The following NUP35 variants were observed in gnomAD, a reference collection of about 807,000 sequenced individuals.
NUP35 encodes nucleoporin NUP35.
In NUP35, 25 loss-of-function variants were observed where a neutral mutation model predicts 41.5. The ratio of observed to expected loss-of-function variants is 0.60; its 90% confidence interval spans 0.44 to 0.84. NUP35 has a LOEUF of 0.84. Ranked by LOEUF, NUP35 falls within the 40% of genes least tolerant of loss-of-function variation. The pLI is 0.00. For missense variants in NUP35, 396 were observed against 396.6 expected, an observed-to-expected ratio of 1.00 and a Z score of 0.01; for synonymous variants, 149 against 130.7, an observed-to-expected ratio of 1.14 and a Z score of -0.96.
In NUP35 at chr2:183,133,614, C is replaced by A. The variant is rs781150648; in HGVS notation, c.388C>A (p.Pro130Thr). Residue 130 changes from proline to threonine, a missense_variant, in exon 4 of 9, where the codon CCT becomes ACT. Transcript: ENST00000295119. ...QSPLVGVTSTPGTGQSMFSPA... is the reference protein window; with the variant it reads ...QSPLVGVTSTTGTGQSMFSPA... ...TCCTCTTGTTGGAGTTACATCTACT[C>A]CTGGAACAGGTAAGTGATTCTTTCT... 2.5e-6 allele frequency: 4 copies of A among 1,586,640 alleles called. No individual in the cohort carries two copies. Among genetic ancestry groups the A allele is most frequent in the Non-Finnish European group, 2.6e-6 (3 of 1,170,948 alleles).
At chr2:183,120,865 G>T (rs1482431329), upstream of NUP35, among the ~76,000 whole-genome samples, 2 of 152,168 alleles carry the variant, frequency 1.3e-5, no homozygotes, top group Non-Finnish European at 2.9e-5. Flanking sequence ...TGTACGGGTA[G>T]GTTGTGCAGC....
At chr2:183,130,372 C>G (rs200620372) in intron 2 of NUP35, 46 bp from the exon 3 acceptor site, 82 of 1,492,370 alleles carry the variant, frequency 5.5e-5, no homozygotes, top group Admixed American at 1.2e-4. Flanking sequence ...AAAATCTTAC[C>G]AAAAAGAAGA....
intron 1 of NUP35, among the ~76,000 whole-genome samples, chr2:183,125,154 A>AT (rs1282815702): frequency 1.3e-5 from 2 of 151,800 alleles, no homozygotes; most frequent in Non-Finnish European, 2.9e-5. Flanking sequence ...TGTAGGAGGT[A>AT]TTTTTCTCTA....
At chr2:183,129,219 G>GT (rs200067686) in intron 2 of NUP35, among the ~76,000 whole-genome samples, 1 of 129,276 alleles carries the variant, frequency 7.7e-6, no homozygotes, top group African/African-American at 2.6e-5. Context: ...AGGAAACTTG[G>GT]GGGGGAGGTT....
chr2:183,139,293 A>G (rs1374591460), intron 4 of NUP35, among the ~76,000 whole-genome samples: 1 of 151,476 alleles, frequency 6.6e-6, no homozygotes, highest in Non-Finnish European at 1.5e-5. Flanking sequence ...TGCAGCCTTA[A>G]ACTCCCAGGC....
chr2:183,133,306 C>G (rs1684758827), intron 3 of NUP35, among the ~76,000 whole-genome samples: 1 of 145,274 alleles, frequency 6.9e-6, no homozygotes, highest in South Asian at 2.1e-4. Context: ...AACATGTCAC[C>G]TTTTACAGAA....
chr2:183,118,884 C>T (rs1313856870), intron 1 of NUP35: 1 of 152,236 alleles, frequency 6.6e-6, no homozygotes, highest in Non-Finnish European at 1.5e-5. Context: ...TGGCATCTTG[C>T]ATCCCTTTTC....
upstream of NUP35, chr2:183,120,142 G>A (rs16824001): frequency 0.059 from 9,002 of 152,316 alleles, 329 homozygotes; most frequent in South Asian, 0.15. Flanking sequence ...GCTGGGTAAT[G>A]TGTATGAAGA....
At chr2:183,133,987 A>G (rs1171798700) in intron 4 of NUP35, among the ~76,000 whole-genome samples, 1 of 152,194 alleles carries the variant, frequency 6.6e-6, no homozygotes, top group Non-Finnish European at 1.5e-5. Flanking sequence ...AAAACTTGTC[A>G]ATAAAAAAGC....
intron 4 of NUP35, among the ~76,000 whole-genome samples, chr2:183,143,784 CT>C (rs1466649158): frequency 6.6e-6 from 1 of 152,084 alleles, no homozygotes; most frequent in Non-Finnish European, 1.5e-5. Context: ...AAACCTGACA[CT>C]TTTTTAGAGT....
rs763079158 is a variant in NUP35 at position 183,128,488 on chromosome 2, A to C, written c.211+31A>C. 7.6e-6 allele frequency: 12 copies of C among 1,586,444 alleles called. No individual in the cohort carries two copies. The South Asian group carries it at 1.3e-4, about 17-fold the overall frequency. ...TGAATTGCTTAAAATAATTTTATAG[A>C]CATGCTAGATACAGGGATGTCCAAT... On this transcript the variant is annotated intron_variant, in intron 2 of 8. Transcript: ENST00000295119.
At position 183,130,400 on chromosome 2, in the gene NUP35, T is replaced by G; in HGVS notation, c.212-18T>G. 1 of 1,398,890 alleles carries G rather than the reference T, an allele frequency of 7.1e-7. No individual in the cohort carries two copies. Among genetic ancestry groups the G allele is most frequent in the Non-Finnish European group, 9.3e-7 (1 of 1,076,994 alleles). 86.7% of individuals were successfully genotyped at this position (1,398,890 alleles called of 1,614,324 possible). The stretch of plus-strand genomic sequence containing the variant: ...AAAGAAGAATCCCTTTTTTTTTTTT[T>G]TTTTTTGTACACTGTAGGTGGGTCA... On this transcript the variant is annotated intron_variant, in intron 2 of 8. Coordinates refer to ENST00000295119, the MANE Select transcript of NUP35 (RefSeq NM_138285.5).
chr2:183,130,636 G>A (rs1684665827), intron 3 of NUP35, 91 bp downstream of exon 3: 1 of 1,351,896 alleles, frequency 7.4e-7, no homozygotes, highest in African/African-American at 1.5e-5. Context: ...ATGTTTCCCT[G>A]AAGTCTGTTT....
rs549219795 is a variant in NUP35 at position 183,153,727 on chromosome 2, A to G, written c.539+2078A>G. Among the ~76,000 whole-genome samples the G allele has an allele frequency of 5.9e-5, 9 of 152,244 alleles. No homozygotes were observed. The South Asian group carries it at 1.4e-3, about 25-fold the overall frequency. On this transcript the variant is annotated intron_variant, in intron 5 of 8. Transcript: ENST00000295119. The stretch of plus-strand genomic sequence containing the variant: ...GCGTGTATGGGTTTTCCAGGCACAG[A>G]GTGCAAGCTGTCAGTGGATCTACCA...
At position 183,159,550 on chromosome 2, in the gene NUP35, A is replaced by G. The variant is rs1364287070; in HGVS notation, c.801A>G (p.Pro267=). 3.7e-6 allele frequency: 6 copies of G among 1,613,720 alleles called. No homozygotes were observed. The highest frequency in any genetic ancestry group is 5.1e-6 in the Non-Finnish European group (6 of 1,179,770). The change falls in exon 8 of 9, where the codon CCA becomes CCG. Residue 267 remains proline (P), a synonymous_variant. Coordinates refer to ENST00000295119, the MANE Select transcript of NUP35 (RefSeq NM_138285.5). ...CTCCATCTTTAGCCTTTACACCACC[A>G]ATCAAAACTCTAGGTACACCAACAC... ...LSSPSLAFTP[P]IKTLGTPTQP...
At chr2:183,133,722 C>A in intron 4 of NUP35, 99 bp downstream of exon 4, 1 of 677,782 alleles carries the variant, frequency 1.5e-6, no homozygotes, top group Non-Finnish European at 2.2e-6. Context: ...GTAAACAACT[C>A]TGACACCAAA....
At position 183,130,480 on chromosome 2, in the gene NUP35, A is replaced by G. The variant is rs1037187144; in HGVS notation, c.274A>G (p.Arg92Gly). The part of the protein sequence containing the change: ...HKDKSGAPPV[R>G]SIYDDISSPG... ...AGATAAAAGTGGCGCTCCACCAGTT[A>G]GAAGTATATATGATGACATTTCTAG... The change falls in exon 3 of 9, where the codon AGA becomes GGA. Residue 92 changes from arginine (R) to glycine (G), a missense_variant. By Grantham distance (125) the Arg-to-Gly change is moderately radical. Coordinates refer to ENST00000295119, the MANE Select transcript of NUP35 (RefSeq NM_138285.5). The G allele has an allele frequency of 3.7e-6, 6 of 1,609,860 alleles. No individual in the cohort carries two copies. The highest frequency in any genetic ancestry group is 5.1e-6 in the Non-Finnish European group (6 of 1,179,406).
intron 1 of NUP35, among the ~76,000 whole-genome samples, chr2:183,125,140 G>A (rs1196953027): frequency 6.6e-6 from 1 of 151,872 alleles, no homozygotes; most frequent in East Asian, 1.9e-4. Context: ...TGACTCTTAA[G>A]TATTGTAGGA....
chr2:183,139,793 C>CA (rs1559148129), intron 4 of NUP35, among the ~76,000 whole-genome samples: 1 of 152,206 alleles, frequency 6.6e-6, no homozygotes, highest in Non-Finnish European at 1.5e-5. Flanking sequence ...TTAGAGTCTG[C>CA]AGCAGGCATG....
Sources: allele counts gnomAD v4.1 joint callset (sites outside exome capture counted in the v4.1 genomes callset), GRCh38; gene constraint gnomAD v4.1.1; transcripts MANE v1.5; gene names NCBI Gene and HGNC (gene_info 2026-07-23, HGNC 2026-07-21).